FIGNL1: variants seen among roughly 807,000 people sequenced by gnomAD.
The protein encoded by FIGNL1 is fidgetin like 1, also known as fidgetin-like protein 1.
Under a neutral mutation model 28.9 loss-of-function variants are expected in FIGNL1, and 11 were observed. The observed-to-expected ratio is 0.38, with a 90% confidence interval of 0.24 to 0.63. FIGNL1 has a LOEUF of 0.63. FIGNL1 is among the 20% of genes least tolerant of loss of function. The pLI is 0.57. For synonymous variants in FIGNL1, 295 were observed against 276.5 expected (o/e 1.07, Z -0.66); for missense variants, 789 against 810.4 (o/e 0.97, Z 0.32).
At chr7:50,447,968 C>T (rs766025699) in intron 3 of FIGNL1, 1 of 152,180 alleles carries the variant, frequency 6.6e-6, no homozygotes, top group Non-Finnish European at 1.5e-5. Flanking sequence ...AACTCCTGAC[C>T]TCAGGTAATC....
chr7:50,447,650 T>C (rs1821241698), intron 3 of FIGNL1, among the ~76,000 whole-genome samples: 1 of 152,174 alleles, frequency 6.6e-6, no homozygotes, highest in Non-Finnish European at 1.5e-5. Flanking sequence ...CAAAACAAAA[T>C]AAACAAGAGG....
chr7:50,447,456 A>T, intron 3 of FIGNL1, 159 bp from the exon 4 acceptor site: 1 of 530,148 alleles, frequency 1.9e-6, no homozygotes. Context: ...ATATCTAGTT[A>T]ACTATAGATT....
chr7:50,450,098 G>T (rs1489254285), intron 1 of FIGNL1: 1 of 152,302 alleles, frequency 6.6e-6, no homozygotes, highest in East Asian at 1.9e-4. Flanking sequence ...CTGGGCTAGC[G>T]GGTCAGCCAC....
At position 50,446,561 on chromosome 7, in the gene FIGNL1, A is replaced by C. The variant is rs781736431; in HGVS notation, c.727T>G (p.Ser243Ala). 1 of 1,614,046 alleles carries C rather than the reference A, an allele frequency of 6.2e-7. No individual in the cohort carries two copies. Among genetic ancestry groups the C allele is most frequent in the East Asian group, 2.2e-5 (1 of 44,906 alleles). ...KENIGLNVFL[S>A]NQSCFPAACE... ...GCAGCAGGAAAACAAGACTGGTTAG[A>C]TAAGAACACATTAAGTCCTATGTTT... Residue 243 changes from serine (S) to alanine (A), a missense_variant, in exon 4 of 4, where the codon TCT becomes GCT. Ser to Ala is a moderately conservative substitution (Grantham distance 99). Coordinates refer to ENST00000433017, the MANE Select transcript of FIGNL1 (RefSeq NM_001287492.4).
intron 3 of FIGNL1, among the ~76,000 whole-genome samples, chr7:50,447,753 T>G (rs78906725): frequency 6.6e-6 from 1 of 152,040 alleles, no homozygotes; most frequent in Non-Finnish European, 1.5e-5. Flanking sequence ...TATTTTTTTT[T>G]GAGACAGTGT....
chr7:50,445,987 G>A lies in FIGNL1; in HGVS notation c.1301C>T (p.Pro434Leu), dbSNP rs1253877584. 1 of 1,614,082 alleles carries A rather than the reference G, an allele frequency of 6.2e-7. No individual in the cohort carries two copies. The highest frequency in any genetic ancestry group is 2.2e-5 in the East Asian group (1 of 44,884). ...PDIFTGLRGP[P>L]KGILLFGPPG... The stretch of plus-strand genomic sequence containing the variant: ...AGGACCAAAGAGCAAAATTCCTTTA[G>A]GGGGTCCCCTTAAACCAGTAAAGAT... The change falls in exon 4 of 4, where the codon CCT becomes CTT. Residue 434 changes from proline (P) to leucine (L), a missense_variant. Coordinates refer to ENST00000433017, the MANE Select transcript of FIGNL1 (RefSeq NM_001287492.4).
chr7:50,447,952 G>C (rs1248998166), intron 3 of FIGNL1: 2 of 152,142 alleles, frequency 1.3e-5, no homozygotes, highest in African/African-American at 4.8e-5. Flanking sequence ...AGTCAGGCTG[G>C]TCTTGAACTC....
intron 3 of FIGNL1, among the ~76,000 whole-genome samples, chr7:50,447,572 G>T (rs915885585): frequency 2.6e-5 from 4 of 151,824 alleles, no homozygotes; most frequent in Admixed American, 6.6e-5. Flanking sequence ...TTATCTGTAG[G>T]GAAAGCATTC....
In FIGNL1 at chr7:50,447,061, T is replaced by G. The variant is rs1230244686; in HGVS notation, c.227A>C (p.Glu76Ala). 6 of 1,614,240 alleles carry G rather than the reference T, an allele frequency of 3.7e-6. No individual in the cohort carries two copies. Among genetic ancestry groups the G allele is most frequent in the Non-Finnish European group, 5.1e-6 (6 of 1,180,038 alleles). Reference sequence around the variant, plus strand: ...TTCTGCATAATTATTCAACCCAGATTCAACATTGTCAGAATCAATAATTGC... The same window carrying G: ...TTCTGCATAATTATTCAACCCAGATGCAACATTGTCAGAATCAATAATTGC... ...YSAIIDSDNV[E>A]SGLNNYAENI... The change falls in exon 4 of 4, where the codon GAA becomes GCA. Residue 76 changes from glutamate (E) to alanine (A), a missense_variant. Transcript: ENST00000433017.
In FIGNL1 at chr7:50,446,980, C is replaced by T. The variant is rs772469554; in HGVS notation, c.308G>A (p.Gly103Glu). Residue 103 changes from glycine to glutamate, a missense_variant, in exon 4 of 4, where the codon GGA becomes GAA. Physicochemically the swap from Gly to Glu is moderately conservative, Grantham distance 98 (BLOSUM62 -2). Transcript: ENST00000433017. ...QQTDSDKWQS[G>E]LSINNVFKMS... ...TTTGAAAACATTATTTATTGACAAT[C>T]CAGACTGCCACTTGTCACTATCTGT... 2.2e-5 allele frequency: 36 copies of T among 1,614,104 alleles called. No homozygotes were observed. The highest frequency in any genetic ancestry group is 2.8e-5 in the Non-Finnish European group (33 of 1,180,046).
Position 50,445,285 on chromosome 7 carries a change from T to C in FIGNL1, c.2003A>G (p.Lys668Arg), listed in dbSNP as rs750127955. 12 of 1,572,636 alleles carry C rather than the reference T, an allele frequency of 7.6e-6. No homozygotes were observed. The East Asian group carries it at 2.7e-4, about 35-fold the overall frequency. ...KDLELYENWN[K>R]TFGCGK ...CACTTACTTTCCACAACCAAAAGTTTTGTTCCAGTTTTCATAAAGCTCTAA... is the reference window on the plus strand; with the variant it reads ...CACTTACTTTCCACAACCAAAAGTTCTGTTCCAGTTTTCATAAAGCTCTAA... Residue 668 changes from lysine (K) to arginine (R), a missense_variant, in exon 4 of 4, where the codon AAA (lysine) becomes AGA (arginine). By Grantham distance (26) the Lys-to-Arg change is conservative. Transcript: ENST00000433017.
rs1015596501 is a variant in FIGNL1 at position 50,445,262 on chromosome 7, C to T, written c.*1G>A. On this transcript the variant is annotated 3_prime_UTR_variant, in exon 4 of 4. Coordinates refer to ENST00000433017, the MANE Select transcript of FIGNL1 (RefSeq NM_001287492.4). The stretch of plus-strand genomic sequence containing the variant: ...AGATGCCTTGATTCCAAGTATCCCA[C>T]TTACTTTCCACAACCAAAAGTTTTG... 1.9e-6 allele frequency: 3 copies of T among 1,544,492 alleles called. No homozygotes were observed. Among genetic ancestry groups the T allele is most frequent in the African/African-American group, 1.4e-5 (1 of 72,516 alleles).
In FIGNL1 at chr7:50,446,332, G is replaced by C; in HGVS notation, c.956C>G (p.Ser319Cys). Residue 319 changes from serine to cysteine, a missense_variant, in exon 4 of 4, where the codon TCT becomes TGT. Ser to Cys is a moderately radical substitution (Grantham distance 112). Transcript: ENST00000433017. ...KYHQPQRASG[S>C]SYGGVKKSLG... ...AGACTTTTTTACACCACCATATGAA[G>C]ACCCTGATGCACGCTGAGGTTGGTG... The C allele has an allele frequency of 1.2e-6, 2 of 1,614,110 alleles. No homozygotes were observed. The highest frequency in any genetic ancestry group is 2.2e-5 in the South Asian group (2 of 91,082).
intron 3 of FIGNL1, among the ~76,000 whole-genome samples, chr7:50,447,740 TA>T (rs201701855): frequency 0.023 from 3,528 of 152,238 alleles, 134 homozygotes; most frequent in African/African-American, 0.079. Context: ...TTTATTTTAT[TA>T]TTATTTTTTT....
Position 50,449,430 on chromosome 7 carries a change from T to A in FIGNL1, c.-432A>T, listed in dbSNP as rs1158342413. On this transcript the variant is annotated 5_prime_UTR_variant, in exon 2 of 4. Coordinates refer to ENST00000433017, the MANE Select transcript of FIGNL1 (RefSeq NM_001287492.4). ...TCTGATTATTTTAATAATGTCATTA[T>A]CTGTCTTCCTAGACAGTTGGCTTCT... The A allele has an allele frequency of 6.6e-6, 1 of 152,250 alleles. No homozygotes were observed. Among genetic ancestry groups the A allele is most frequent in the Non-Finnish European group, 1.5e-5 (1 of 68,042 alleles). 9.4% of individuals were successfully genotyped at this position (152,250 alleles called of 1,614,324 possible).
rs372100938 is a variant in FIGNL1 at position 50,446,336 on chromosome 7, C to T, written c.952G>A (p.Gly318Arg). The change falls in exon 4 of 4, where the codon GGG (glycine) becomes AGG (arginine). Residue 318 changes from glycine (G) to arginine (R), a missense_variant. By Grantham distance (125) the Gly-to-Arg change is moderately radical. Coordinates refer to ENST00000433017, the MANE Select transcript of FIGNL1 (RefSeq NM_001287492.4). ...TTTTTTACACCACCATATGAAGACC[C>T]TGATGCACGCTGAGGTTGGTGGTAC... is the stretch of plus-strand genomic sequence containing the variant. ...KKYHQPQRAS[G>R]SSYGGVKKSL... is the part of the protein sequence containing the mutation. 8 of 1,614,046 alleles carry T rather than the reference C, an allele frequency of 5.0e-6. No homozygotes were observed. In the African/African-American group the frequency reaches 1.1e-4, roughly 22 times the overall value.
rs529188313 is a variant in FIGNL1 at position 50,445,069 on chromosome 7, G to A, written c.*194C>T. The stretch of plus-strand genomic sequence containing the variant: ...TCTCACTTTGTTCAAATAGGCTTAC[G>A]TATCAGGTAATCACTGGAAAGCAAA... On this transcript the variant is annotated 3_prime_UTR_variant, in exon 4 of 4. Transcript: ENST00000433017. 12 of 380,100 alleles carry A rather than the reference G, an allele frequency of 3.2e-5. No individual in the cohort carries two copies. Among genetic ancestry groups the A allele is most frequent in the African/African-American group, 1.2e-4 (6 of 48,084 alleles). The allele number at this position is 380,100 out of a possible 1,614,324, so 23.5% of individuals were successfully genotyped here.
At chr7:50,447,437 A>G (rs1821191718) in intron 3 of FIGNL1, 140 bp from the exon 4 acceptor site, 1 of 581,604 alleles carries the variant, frequency 1.7e-6, no homozygotes, top group Admixed American at 3.6e-5. Flanking sequence ...AGGACAGGTT[A>G]TAAGAGAAAT....
Position 50,446,913 on chromosome 7 carries a change from G to C in FIGNL1, c.375C>G (p.Phe125Leu), listed in dbSNP as rs777239305. 6.2e-7 allele frequency: 1 copy of C among 1,614,128 alleles called. No individual in the cohort carries two copies. Among genetic ancestry groups the C allele is most frequent in the Non-Finnish European group, 8.5e-7 (1 of 1,180,022 alleles). The part of the protein sequence containing the change: ...VQKMMQAGKK[F>L]KDSLLEPALA... ...GAGCAGGTTCCAACAGAGAGTCTTT[G>C]AATTTTTTGCCAGCTTGCATCATCT... The change falls in exon 4 of 4, where the codon TTC becomes TTG. Residue 125 changes from phenylalanine (F) to leucine (L), a missense_variant. Transcript: ENST00000433017.
Sources: allele counts gnomAD v4.1 joint callset (sites outside exome capture counted in the v4.1 genomes callset), GRCh38; gene constraint gnomAD v4.1.1; transcripts MANE v1.5; gene names NCBI Gene and HGNC (gene_info 2026-07-23, HGNC 2026-07-21).